GALNTL6: variants seen among roughly 807,000 people sequenced by gnomAD.
GALNTL6 encodes the protein polypeptide N-acetylgalactosaminyltransferase like 6.
Under a neutral mutation model 73.7 loss-of-function variants are expected in GALNTL6, and 46 were observed. The ratio of observed to expected loss-of-function variants is 0.62; its 90% confidence interval spans 0.49 to 0.80. GALNTL6 has a LOEUF of 0.80. Ranked by LOEUF, GALNTL6 falls within the 30% of genes least tolerant of loss-of-function variation. The probability of loss-of-function intolerance (pLI) is 0.00; values close to 1 mark genes in which losing one functional copy is unlikely to be tolerated. For synonymous variants in GALNTL6, 259 were observed against 263.7 expected (o/e 0.98, Z 0.17); for missense variants, 604 against 755.0 (o/e 0.80, Z 2.34).
chr4:172,129,541 A>G (rs1209998225), intron 2 of GALNTL6, among the ~76,000 whole-genome samples: 1 of 152,238 alleles, frequency 6.6e-6, no homozygotes, highest in African/African-American at 2.4e-5. Flanking sequence ...GAACATGATC[A>G]GAAACAAGCA....
At chr4:172,981,113 G>A (rs1174638446) in intron 10 of GALNTL6, among the ~76,000 whole-genome samples, 1 of 152,086 alleles carries the variant, frequency 6.6e-6, no homozygotes, top group East Asian at 1.9e-4. Context: ...TGGACACTTG[G>A]GTTGTTTCCA....
intron 5 of GALNTL6, among the ~76,000 whole-genome samples, chr4:172,434,452 T>A (rs946426148): frequency 1.3e-5 from 2 of 152,160 alleles, no homozygotes; most frequent in Non-Finnish European, 2.9e-5. Context: ...AGATTATGTT[T>A]TCTGAAAGTT....
At chr4:172,691,322 G>A (rs1462775599) in intron 5 of GALNTL6, among the ~76,000 whole-genome samples, 4 of 152,160 alleles carry the variant, frequency 2.6e-5, no homozygotes, top group Admixed American at 6.5e-5. Flanking sequence ...AGAAAACCAT[G>A]GGAAACTGTC....
At chr4:172,722,861 T>C (rs1383813122) in intron 5 of GALNTL6, among the ~76,000 whole-genome samples, 1 of 152,184 alleles carries the variant, frequency 6.6e-6, no homozygotes, top group African/African-American at 2.4e-5. Flanking sequence ...AAGTTTTCTA[T>C]TGCTGCCATA....
chr4:172,143,638 C>A (rs971717098), intron 2 of GALNTL6, among the ~76,000 whole-genome samples: 3 of 152,012 alleles, frequency 2.0e-5, no homozygotes, highest in African/African-American at 7.2e-5. Context: ...TCTGCCTTCC[C>A]CAAATTTAAA....
chr4:172,108,354 G>A (rs1183924327), intron 2 of GALNTL6, among the ~76,000 whole-genome samples: 1 of 152,120 alleles, frequency 6.6e-6, no homozygotes, highest in African/African-American at 2.4e-5. Flanking sequence ...ATAAAGAGTT[G>A]GCTCACATGA....
chr4:172,661,075 A>C (rs1395987039), intron 5 of GALNTL6, among the ~76,000 whole-genome samples: 3 of 152,344 alleles, frequency 2.0e-5, no homozygotes, highest in Middle Eastern at 3.4e-3. Flanking sequence ...ATTTGGTCAG[A>C]CATTATCCTG....
chr4:172,327,516 T>C (rs1253354937), intron 4 of GALNTL6, among the ~76,000 whole-genome samples: 1 of 152,312 alleles, frequency 6.6e-6, no homozygotes, highest in Non-Finnish European at 1.5e-5. Context: ...AGTGTTATTG[T>C]GTGAGAGTCT....
At chr4:172,414,057 TTTA>T (rs1386821954) in intron 5 of GALNTL6, among the ~76,000 whole-genome samples, 5 of 152,102 alleles carry the variant, frequency 3.3e-5, no homozygotes, top group African/African-American at 1.2e-4. Flanking sequence ...TGTTAAGGTG[TTTA>T]TTATTTCTTA....
chr4:173,036,273 A>G (rs1223095730), intron 12 of GALNTL6, among the ~76,000 whole-genome samples: 1 of 152,058 alleles, frequency 6.6e-6, no homozygotes, highest in Non-Finnish European at 1.5e-5. Context: ...TTGCATCTTT[A>G]GCATTTGGTT....
At chr4:172,601,543 A>G (rs938244450) in intron 5 of GALNTL6, among the ~76,000 whole-genome samples, 3 of 152,144 alleles carry the variant, frequency 2.0e-5, no homozygotes, top group African/African-American at 4.8e-5. Flanking sequence ...GTATGTGCCA[A>G]CTGGCTTTTC....
chr4:172,141,901 ACACACACACACC>A (rs1377643242), intron 2 of GALNTL6, among the ~76,000 whole-genome samples: 2 of 124,054 alleles, frequency 1.6e-5, no homozygotes, highest in South Asian at 2.9e-4. Flanking sequence ...ACACACACAC[ACACACACACACC>A]CCCCACACTC....
At chr4:171,835,135 A>T (rs943416664) in intron 2 of GALNTL6, among the ~76,000 whole-genome samples, 1 of 152,036 alleles carries the variant, frequency 6.6e-6, no homozygotes, top group Non-Finnish European at 1.5e-5. Flanking sequence ...ATTCAAAAGG[A>T]TTTATGAGGT....
intron 5 of GALNTL6, among the ~76,000 whole-genome samples, chr4:172,761,718 A>G (rs1395860404): frequency 1.4e-5 from 2 of 143,678 alleles, no homozygotes; most frequent in African/African-American, 2.6e-5. Context: ...CTGCTCCACT[A>G]TGGTAAAACG....
At chr4:172,712,171 A>G (rs1324407989) in intron 5 of GALNTL6, among the ~76,000 whole-genome samples, 1 of 152,192 alleles carries the variant, frequency 6.6e-6, no homozygotes, top group African/African-American at 2.4e-5. Flanking sequence ...GTGGTTGAAC[A>G]TGTATTGCAC....
At chr4:172,882,037 TA>T (rs1456933664) in intron 7 of GALNTL6, among the ~76,000 whole-genome samples, 3 of 150,694 alleles carry the variant, frequency 2.0e-5, no homozygotes, top group African/African-American at 7.3e-5. Flanking sequence ...AAAAAAAAAA[TA>T]AACAAGAGCA....
intron 2 of GALNTL6, among the ~76,000 whole-genome samples, chr4:172,074,575 G>A (rs1350660065): frequency 1.3e-5 from 2 of 151,704 alleles, no homozygotes. Flanking sequence ...ATTGGTTACA[G>A]ATGGTCATAT....
intron 5 of GALNTL6, among the ~76,000 whole-genome samples, chr4:172,604,361 G>T (rs1468696265): frequency 1.3e-5 from 2 of 152,066 alleles, no homozygotes; most frequent in African/African-American, 2.4e-5. Context: ...TATCAAAGAG[G>T]AATATTCTGG....
intron 2 of GALNTL6, among the ~76,000 whole-genome samples, chr4:171,942,025 A>G (rs1438444072): frequency 6.6e-6 from 1 of 152,160 alleles, no homozygotes; most frequent in Admixed American, 6.5e-5. Flanking sequence ...GAAATAGTTG[A>G]GCCCTTTAGT....
Sources: gnomAD v4.1 joint callset for allele counts (sites outside exome capture counted in the v4.1 genomes callset) on GRCh38, gnomAD v4.1.1 for gene constraint, MANE v1.5 for transcripts, NCBI Gene and HGNC (gene_info 2026-07-23, HGNC 2026-07-21) for gene names.